Variants in FRMPD4 observed in about 807,000 individuals in gnomAD.
FRMPD4 encodes the protein FERM and PDZ domain containing 4, also known as FERM and PDZ domain-containing protein 4.
In FRMPD4, 22 loss-of-function variants were observed where a neutral mutation model predicts 94.1. That is an observed-to-expected ratio of 0.23 (90% CI 0.17 to 0.33). FRMPD4 has a LOEUF of 0.33. Ranked by LOEUF, FRMPD4 falls within the 10% of genes least tolerant of loss-of-function variation. The probability of loss-of-function intolerance (pLI) is 1.00; values close to 1 mark genes in which losing one functional copy is unlikely to be tolerated. For missense variants in FRMPD4, 1,111 were observed against 1,339.9 expected (o/e 0.83, Z 2.67); for synonymous variants, 631 against 548.6 (o/e 1.15, Z -2.10).
chrX:12,389,287 A>C (rs2056443669), intron 1 of FRMPD4, among the ~76,000 whole-genome samples: 1 of 109,965 alleles, frequency 9.1e-6, no homozygotes, highest in Non-Finnish European at 1.9e-5. Context: ...CAGCCTGGCC[A>C]ACATGGGGAA....
rs2059166199 is a variant in FRMPD4, at chrX:12,610,010, G to A, written c.319+129G>A. ...TATGTTTTTCCAAAACCTGGATAGA[G>A]TCACTTCACCAGAGGAACAGAAATG... On this transcript the variant is annotated intron_variant, in intron 3 of 16. Coordinates refer to ENST00000675598, the MANE Select transcript of FRMPD4 (RefSeq NM_001368397.1). 4 of 589,597 alleles carry A rather than the reference G, an allele frequency of 6.8e-6. No individual in the cohort carries two copies. The South Asian group carries it at 1.3e-4, about 20-fold the overall frequency. 48.6% of individuals were successfully genotyped at this position (589,597 alleles called of 1,213,427 possible). A position where few individuals can be genotyped will look rare whatever the true frequency, so the allele number is the denominator to read the frequency against.
At chrX:12,242,611 T>G (rs1261986109) in intron 1 of FRMPD4, among the ~76,000 whole-genome samples, 2 of 112,697 alleles carry the variant, frequency 1.8e-5, no homozygotes, top group Non-Finnish European at 3.7e-5. Context: ...CAATGTTAAG[T>G]GCAAATTACA....
chrX:12,497,018 G>C (rs185203771), intron 1 of FRMPD4, among the ~76,000 whole-genome samples: 17 of 111,540 alleles, frequency 1.5e-4, no homozygotes, highest in African/African-American at 5.5e-4. Flanking sequence ...TAGGAAGCCT[G>C]TGTCTTTCCT....
chrX:11,918,445 A>G (rs2054037374), intron 3 of FRMPD4, among the ~76,000 whole-genome samples: 1 of 110,710 alleles, frequency 9.0e-6, no homozygotes, highest in South Asian at 3.8e-4. Context: ...TCTCTACTAA[A>G]AATACAAAAT....
intron 1 of FRMPD4, among the ~76,000 whole-genome samples, chrX:12,347,950 T>C (rs1266132259): frequency 1.8e-5 from 2 of 112,094 alleles, no homozygotes; most frequent in Admixed American, 1.9e-4. Flanking sequence ...TACCATCAAT[T>C]TTCATTTGAA....
intron 3 of FRMPD4, among the ~76,000 whole-genome samples, chrX:12,081,772 T>C (rs952525761): frequency 8.9e-6 from 1 of 111,758 alleles, no homozygotes; most frequent in African/African-American, 3.3e-5. Context: ...AGCTCCTACC[T>C]TAGAAAATTT....
At chrX:12,683,369 C>T (rs1383440432) in intron 5 of FRMPD4, 114 bp from the exon 6 acceptor site, 2 of 440,616 alleles carry the variant, frequency 4.5e-6, no homozygotes, top group Non-Finnish European at 8.1e-6. Context: ...ATCGGACATG[C>T]ACCAAGCATT....
chrX:12,683,610 T>C (rs2059993716), intron 6 of FRMPD4, 23 bp downstream of exon 6: 4 of 832,585 alleles, frequency 4.8e-6, no homozygotes, highest in Non-Finnish European at 5.4e-6. Flanking sequence ...TCACCTGCTT[T>C]GTGACTCAGG....
chrX:12,486,083 A>C (rs1373125660), intron 1 of FRMPD4, among the ~76,000 whole-genome samples: 1 of 111,474 alleles, frequency 9.0e-6, no homozygotes, highest in African/African-American at 3.3e-5. Flanking sequence ...ACCAACTTCC[A>C]TCTTGGCAAA....
intron 1 of FRMPD4, among the ~76,000 whole-genome samples, chrX:12,241,753 T>A (rs956884156): frequency 2.7e-5 from 3 of 110,304 alleles, no homozygotes; most frequent in African/African-American, 9.9e-5. Context: ...TTTAAAAAAT[T>A]TGCCTGGCAT....
intron 1 of FRMPD4, among the ~76,000 whole-genome samples, chrX:12,478,795 A>T (rs1467502670): frequency 8.9e-6 from 1 of 111,964 alleles, no homozygotes; most frequent in Non-Finnish European, 1.9e-5. Context: ...TGAAATGGGG[A>T]TAGGAATAAT....
intron 8 of FRMPD4, among the ~76,000 whole-genome samples, chrX:12,693,272 T>C (rs994074388): frequency 1.8e-5 from 2 of 112,475 alleles, no homozygotes; most frequent in African/African-American, 6.5e-5. Flanking sequence ...TTTTGTTTTG[T>C]TGACTCCTTG....
intron 2 of FRMPD4, among the ~76,000 whole-genome samples, chrX:12,556,132 G>T (rs2058592946): frequency 9.1e-6 from 1 of 110,351 alleles, no homozygotes; most frequent in African/African-American, 3.3e-5. Context: ...AAGGCACCCA[G>T]GATCCTTGAT....
At chrX:11,905,674 G>T (rs768337916) in intron 3 of FRMPD4, among the ~76,000 whole-genome samples, 2 of 111,111 alleles carry the variant, frequency 1.8e-5, no homozygotes, top group Non-Finnish European at 3.8e-5. Flanking sequence ...GATATATATT[G>T]GGGGTATTAA....
chrX:12,118,523 G>C (rs7062906), intron 3 of FRMPD4, among the ~76,000 whole-genome samples: 17,909 of 111,345 alleles, frequency 0.16, 1,077 homozygotes, highest in South Asian at 0.34. Context: ...GAAGCAGAAA[G>C]GCCTCCTGTG....
chrX:12,263,254 C>T (rs1415741936), intron 1 of FRMPD4, among the ~76,000 whole-genome samples: 1 of 111,530 alleles, frequency 9.0e-6, no homozygotes, highest in Non-Finnish European at 1.9e-5. Flanking sequence ...CATTGAAGAT[C>T]TTGCATCCCA....
chrX:12,437,740 C>G (rs779881562), intron 1 of FRMPD4, among the ~76,000 whole-genome samples: 5 of 112,136 alleles, frequency 4.5e-5, no homozygotes, highest in Non-Finnish European at 9.4e-5. Context: ...TTTCCTTTCA[C>G]GATGCTCCCA....
intron 3 of FRMPD4, among the ~76,000 whole-genome samples, chrX:11,919,203 G>C (rs1455848704): frequency 8.9e-6 from 1 of 112,224 alleles, no homozygotes; most frequent in Non-Finnish European, 1.9e-5. Flanking sequence ...CTGGATACCA[G>C]TAATACCTCC....
intron 1 of FRMPD4, among the ~76,000 whole-genome samples, chrX:12,375,311 C>T (rs113563015): frequency 6.2e-5 from 7 of 112,632 alleles, no homozygotes; most frequent in African/African-American, 1.9e-4. Flanking sequence ...AAGTATATGT[C>T]GTGACAGGGC....
Sources: allele counts gnomAD v4.1 joint callset (sites outside exome capture counted in the v4.1 genomes callset), GRCh38; gene constraint gnomAD v4.1.1; transcripts MANE v1.5; gene names NCBI Gene and HGNC (gene_info 2026-07-23, HGNC 2026-07-21).